CD28: variants seen among roughly 807,000 people sequenced by gnomAD.
CD28 encodes T-cell-specific surface glycoprotein CD28.
Under a neutral mutation model 21.4 loss-of-function variants are expected in CD28, and 8 were observed. That is an observed-to-expected ratio of 0.37 (90% CI 0.22 to 0.68). The LOEUF is 0.68. Ranked by LOEUF, CD28 falls within the 30% of genes least tolerant of loss-of-function variation. The pLI is 0.55. For synonymous variants in CD28, 106 were observed against 104.0 expected (o/e 1.02, Z -0.12); for missense variants, 239 against 272.2 (o/e 0.88, Z 0.86).
At chr2:203,729,613 C>G in intron 2 of CD28, 35 bp from the exon 3 acceptor site, 2 of 1,599,530 alleles carry the variant, frequency 1.3e-6, no homozygotes, top group South Asian at 2.3e-5. Flanking sequence ...ATTGCTATTC[C>G]TGTATCATTT....
At position 203,735,146 on chromosome 2, in the gene CD28, T is replaced by G. The variant is rs201285390; in HGVS notation, c.*234T>G. The G allele has an allele frequency of 1.1e-5, 6 of 544,462 alleles. No individual in the cohort carries two copies. Among genetic ancestry groups the G allele is most frequent in the Non-Finnish European group, 1.9e-5 (6 of 310,332 alleles). 33.7% of individuals were successfully genotyped at this position (544,462 alleles called of 1,614,324 possible). ...AGTCTTACAGTGCCATGGCCCACAT[T>G]CCAACTTACCATGTACTTAGTGACT... On this transcript the variant is annotated 3_prime_UTR_variant, in exon 4 of 4. Coordinates refer to ENST00000324106, the MANE Select transcript of CD28 (RefSeq NM_006139.4).
At chr2:203,707,250 C>T (rs1314178210) in intron 1 of CD28, among the ~76,000 whole-genome samples, 2 of 151,918 alleles carry the variant, frequency 1.3e-5, no homozygotes, top group Non-Finnish European at 1.5e-5. Context: ...TTTAGGTTGC[C>T]TATGTTCCTA....
intron 3 of CD28, among the ~76,000 whole-genome samples, chr2:203,733,049 A>G (rs1173130792): frequency 6.6e-6 from 1 of 152,200 alleles, no homozygotes; most frequent in African/African-American, 2.4e-5. Flanking sequence ...GGGTTGGAGT[A>G]AGTACTAAAA....
Position 203,735,478 on chromosome 2 carries a change from A to G in CD28, c.*566A>G, listed in dbSNP as rs897905524. On this transcript the variant is annotated 3_prime_UTR_variant, in exon 4 of 4. Transcript: ENST00000324106. Reference sequence around the variant, plus strand: ...ATTTAATGCTGTTTTCCTTTAGTTTAGAAATACATAGACATTGTCTTTTAT... The same window carrying G: ...ATTTAATGCTGTTTTCCTTTAGTTTGGAAATACATAGACATTGTCTTTTAT... 2.0e-5 allele frequency: 3 copies of G among 152,922 alleles called. No homozygotes were observed. Among genetic ancestry groups the G allele is most frequent in the Admixed American group, 2.0e-4 (3 of 15,306 alleles). The allele number at this position is 152,922 out of a possible 1,614,324, so 9.5% of individuals were successfully genotyped here.
intron 3 of CD28, 41 bp downstream of exon 3, chr2:203,729,813 C>T: frequency 6.3e-7 from 1 of 1,597,812 alleles, no homozygotes; most frequent in South Asian, 1.1e-5. Flanking sequence ...TTTTCCACTG[C>T]ACATGAAATC....
rs1694096086 is a variant in CD28 at position 203,738,332 on chromosome 2, G to A, written c.*3420G>A. 6.6e-6 allele frequency: 1 copy of A among 152,170 alleles called. No homozygotes were observed. The highest frequency in any genetic ancestry group is 1.5e-5 in the Non-Finnish European group (1 of 68,054). The allele number at this position is 152,170 out of a possible 1,614,324, so 9.4% of individuals were successfully genotyped here. A position where few individuals can be genotyped will look rare whatever the true frequency, so the allele number is the denominator to read the frequency against. ...GGGAACTATACCAGACCTGGATACT[G>A]ATCCCAAAGTGTTAAATTCAACTAC... On this transcript the variant is annotated 3_prime_UTR_variant, in exon 4 of 4. Coordinates refer to ENST00000324106, the MANE Select transcript of CD28 (RefSeq NM_006139.4).
At position 203,736,589 on chromosome 2, in the gene CD28, G is replaced by A. The variant is rs1694043177; in HGVS notation, c.*1677G>A. 6.6e-6 allele frequency: 1 copy of A among 152,338 alleles called. No homozygotes were observed. The highest frequency in any genetic ancestry group is 1.9e-4 in the East Asian group (1 of 5,180). 9.4% of individuals were successfully genotyped at this position (152,338 alleles called of 1,614,324 possible). On this transcript the variant is annotated 3_prime_UTR_variant, in exon 4 of 4. Coordinates refer to ENST00000324106, the MANE Select transcript of CD28 (RefSeq NM_006139.4). Reference sequence around the variant, plus strand: ...ATGGATATTTTTCTACCTACAGTTTGAGTCAACTAGAATATGCCTGGGGAC... The same window carrying A: ...ATGGATATTTTTCTACCTACAGTTTAAGTCAACTAGAATATGCCTGGGGAC...
chr2:203,727,204 G>T (rs984901778), intron 2 of CD28, among the ~76,000 whole-genome samples: 3 of 152,162 alleles, frequency 2.0e-5, no homozygotes, highest in Non-Finnish European at 4.4e-5. Flanking sequence ...CTGACATTGA[G>T]CGGGAGAGTA....
intron 1 of CD28, among the ~76,000 whole-genome samples, chr2:203,716,290 C>T (rs1693460607): frequency 6.6e-6 from 1 of 152,152 alleles, no homozygotes; most frequent in Non-Finnish European, 1.5e-5. Context: ...ACAAAAGCCT[C>T]CAGAATCATC....
At chr2:203,710,053 G>A (rs1025443311) in intron 1 of CD28, among the ~76,000 whole-genome samples, 1 of 152,212 alleles carries the variant, frequency 6.6e-6, no homozygotes, top group Non-Finnish European at 1.5e-5. Context: ...TGAGCTGGTT[G>A]TATACGGAAA....
At chr2:203,725,893 C>T (rs1010567170) in intron 1 of CD28, among the ~76,000 whole-genome samples, 2 of 152,118 alleles carry the variant, frequency 1.3e-5, no homozygotes, top group African/African-American at 4.8e-5. Flanking sequence ...TTTACAAAAA[C>T]CTGTATCACA....
At chr2:203,732,822 A>C (rs1030159870) in intron 3 of CD28, among the ~76,000 whole-genome samples, 1 of 152,174 alleles carries the variant, frequency 6.6e-6, no homozygotes, top group African/African-American at 2.4e-5. Context: ...TGCTGTGTTT[A>C]GAGTTAGGGT....
At chr2:203,727,519 G>A (rs1215413820) in intron 2 of CD28, among the ~76,000 whole-genome samples, 10 of 143,966 alleles carry the variant, frequency 6.9e-5, no homozygotes, top group Admixed American at 3.6e-4. Context: ...TCGCTCTGTC[G>A]CCCAGGCTGG....
At chr2:203,734,203 T>C (rs1362746869) in intron 3 of CD28, among the ~76,000 whole-genome samples, 1 of 152,238 alleles carries the variant, frequency 6.6e-6, no homozygotes, top group Non-Finnish European at 1.5e-5. Flanking sequence ...CCCTCACTTC[T>C]GGTGGAAATT....
intron 1 of CD28, among the ~76,000 whole-genome samples, chr2:203,709,209 A>T (rs1042469898): frequency 6.6e-6 from 1 of 152,022 alleles, no homozygotes; most frequent in African/African-American, 2.4e-5. Context: ...GAAATTATAG[A>T]TAGGGAAATT....
chr2:203,734,883 C>G lies in CD28; in HGVS notation c.634C>G (p.Pro212Ala), dbSNP rs770610915. The G allele has an allele frequency of 6.2e-7, 1 of 1,614,204 alleles. No individual in the cohort carries two copies. Among genetic ancestry groups the G allele is most frequent in the Admixed American group, 1.7e-5 (1 of 60,028 alleles). ...CAAGCATTACCAGCCCTATGCCCCA[C>G]CACGCGACTTCGCAGCCTATCGCTC... ...TRKHYQPYAP[P>A]RDFAAYRS is the part of the protein sequence containing the mutation. The change falls in exon 4 of 4, where the codon CCA becomes GCA. Residue 212 changes from proline to alanine, a missense_variant. Pro to Ala is a conservative substitution (Grantham distance 27). Around this residue, in one of 3 missense-constraint regions of CD28, gnomAD observed 112 missense variants for 112.8 expected, o/e 0.99. Coordinates refer to ENST00000324106, the MANE Select transcript of CD28 (RefSeq NM_006139.4).
intron 1 of CD28, among the ~76,000 whole-genome samples, chr2:203,711,523 A>G (rs1693310721): frequency 6.6e-6 from 1 of 152,174 alleles, no homozygotes; most frequent in Non-Finnish European, 1.5e-5. Flanking sequence ...TCTCTGCATT[A>G]CCATTACTGT....
chr2:203,729,459 G>A (rs1231589782), intron 2 of CD28, among the ~76,000 whole-genome samples, 189 bp from the exon 3 acceptor site: 1 of 152,148 alleles, frequency 6.6e-6, no homozygotes, highest in Non-Finnish European at 1.5e-5. Flanking sequence ...AACTGTGGTC[G>A]TGAAAACTGA....
rs533447670 is a variant in CD28, at chr2:203,721,534, C to A, written c.53-5099C>A. 2.0e-4 allele frequency among the ~76,000 whole-genome samples: 31 copies of A among 152,124 alleles called. No individual in the cohort carries two copies. In the South Asian group the frequency reaches 4.0e-3, roughly 19 times the overall value. On this transcript the variant is annotated intron_variant, in intron 1 of 3. Coordinates refer to ENST00000324106, the MANE Select transcript of CD28 (RefSeq NM_006139.4). ...TCCTCCCCACAGTCCCCTAACTCAC[C>A]CCAGCCCAAACACACACTCTCCCAC...
Sources: allele counts gnomAD v4.1 joint callset (sites outside exome capture counted in the v4.1 genomes callset), GRCh38; gene constraint gnomAD v4.1.1; regional missense constraint gnomAD v4.1.1; transcripts MANE v1.5; gene names NCBI Gene and HGNC (gene_info 2026-07-23, HGNC 2026-07-21).